C2CD4C: variants seen among roughly 807,000 people sequenced by gnomAD.
C2CD4C encodes the protein C2 calcium-dependent domain-containing protein 4C.
C2CD4C carries 3 observed loss-of-function variants against 4.1 expected under a neutral mutation model. The ratio of observed to expected loss-of-function variants is 0.73; its 90% CI spans 0.33 to 1.88. C2CD4C has a LOEUF of 1.88. Among genes scored for constraint, C2CD4C ranks in the 40% most tolerant of loss-of-function variants. The pLI is 0.08. For missense variants in C2CD4C, 664 were observed against 621.5 expected, an observed-to-expected ratio of 1.07 and a Z score of -0.73; for synonymous variants, 364 against 290.4, an observed-to-expected ratio of 1.25 and a Z score of -2.57.
At position 407,330 on chromosome 19, in the gene C2CD4C, G is replaced by A. The variant is rs1433955190; in HGVS notation, c.1032C>T (p.Cys344=). ...CCGGCACCAGGCACAGGCCCACGCA[G>A]CAGTTGATGCTGCGGGCGTCGCACA... The part of the protein sequence containing the change: ...DRLCDARSIN[C]CVGLCLVPGK... The change falls in exon 2 of 2, where the codon TGC becomes TGT. Residue 344 remains cysteine (C), a synonymous_variant. Transcript: ENST00000332235. 2.6e-6 allele frequency: 4 copies of A among 1,548,770 alleles called. No homozygotes were observed. Among genetic ancestry groups the A allele is most frequent in the Non-Finnish European group, 3.5e-6 (4 of 1,146,762 alleles).
In C2CD4C at chr19:408,078, T is replaced by C; in HGVS notation, c.284A>G (p.Lys95Arg). Residue 95 changes from lysine (K) to arginine (R), a missense_variant, in exon 2 of 2, where the codon AAG (lysine) becomes AGG (arginine). Transcript: ENST00000332235. ...CAGGCTCTTGCTCTCGGCTGCCAGC[T>C]TGGCAGGCAGCCGGGGGCTCCGTGG... ...QTPRSPRLPAKLAAESKSLLK... is the reference protein window; with the variant it reads ...QTPRSPRLPARLAAESKSLLK... 3 of 1,504,090 alleles carry C rather than the reference T, an allele frequency of 2.0e-6. No individual in the cohort carries two copies. The highest frequency in any genetic ancestry group is 2.7e-6 in the Non-Finnish European group (3 of 1,128,906). 93.2% of individuals were successfully genotyped at this position (1,504,090 alleles called of 1,614,324 possible). A position where few individuals can be genotyped will look rare whatever the true frequency, so the allele number is the denominator to read the frequency against.
In C2CD4C at chr19:406,924, A is replaced by G; in HGVS notation, c.*172T>C. ...ATAATACTCCAGTCAGCATCGGGTG[A>G]CCCAGGAAACCCTGCGTCAGCTACA... is the stretch of plus-strand genomic sequence containing the variant. On this transcript the variant is annotated 3_prime_UTR_variant, in exon 2 of 2. Transcript: ENST00000332235. 1 of 592,442 alleles carries G rather than the reference A, an allele frequency of 1.7e-6. No individual in the cohort carries two copies. The highest frequency in any genetic ancestry group is 2.2e-5 in the South Asian group (1 of 44,652). The allele number at this position is 592,442 out of a possible 1,614,324, so 36.7% of individuals were successfully genotyped here. A position where few individuals can be genotyped will look rare whatever the true frequency, so the allele number is the denominator to read the frequency against.
Position 405,541 on chromosome 19 carries a change from A to G in C2CD4C, c.*1555T>C, listed in dbSNP as rs34282976. 13,802 of 152,222 alleles carry G rather than the reference A, an allele frequency of 0.091. 930 individuals are homozygous for G. The highest frequency in any genetic ancestry group is 0.24 in the East Asian group (1,253 of 5,176). The allele number at this position is 152,222 out of a possible 1,614,324, so 9.4% of individuals were successfully genotyped here. On this transcript the variant is annotated 3_prime_UTR_variant, in exon 2 of 2. Transcript: ENST00000332235. ...TTACCCACAGTCAACCTCAGACACT[A>G]AGATATCAAAGAGTGCAGGGGGGCT...
At position 407,465 on chromosome 19, in the gene C2CD4C, G is replaced by A. The variant is rs1974009457; in HGVS notation, c.897C>T (p.His299=). ...TGCCCCGAGGGCCCACGTGGACCGT[G>A]TGCTCCCCACGCGCCTGGCCCGACT... The part of the protein sequence containing the change: ...GPESGQARGE[H]TVHVGPRGSV... Residue 299 remains histidine (H), a synonymous_variant, in exon 2 of 2, where the codon CAC becomes CAT. Transcript: ENST00000332235. 1 of 1,421,572 alleles carries A rather than the reference G, an allele frequency of 7.0e-7. No homozygotes were observed. The highest frequency in any genetic ancestry group is 1.5e-5 in the South Asian group (1 of 65,802). 88.1% of individuals were successfully genotyped at this position (1,421,572 alleles called of 1,614,324 possible).
Position 408,406 on chromosome 19 carries a change from G to A in C2CD4C, c.-40-5C>T, listed in dbSNP as rs1034869784. On this transcript the variant is annotated splice_polypyrimidine_tract_variant and splice_region_variant and intron_variant, in intron 1 of 1. Transcript: ENST00000332235. ...CCCGGACAGGGGCTGCAGCGTCTGGGAAGAGAAGCAGGGGTCAGGAGCAGT... is the reference window on the plus strand; with the variant it reads ...CCCGGACAGGGGCTGCAGCGTCTGGAAAGAGAAGCAGGGGTCAGGAGCAGT... 10 of 1,473,242 alleles carry A rather than the reference G, an allele frequency of 6.8e-6. No homozygotes were observed. Among genetic ancestry groups the A allele is most frequent in the Non-Finnish European group, 9.1e-6 (10 of 1,102,280 alleles). 91.3% of individuals were successfully genotyped at this position (1,473,242 alleles called of 1,614,324 possible). A position where few individuals can be genotyped will look rare whatever the true frequency, so the allele number is the denominator to read the frequency against.
In C2CD4C at chr19:407,741, G is replaced by C; in HGVS notation, c.621C>G (p.Pro207=). 1 of 1,522,476 alleles carries C rather than the reference G, an allele frequency of 6.6e-7. No individual in the cohort carries two copies. 94.3% of individuals were successfully genotyped at this position (1,522,476 alleles called of 1,614,324 possible). The change falls in exon 2 of 2, where the codon CCC becomes CCG. Residue 207 remains proline, a synonymous_variant. Transcript: ENST00000332235. ...PREAGGALMS[P]GRYFSGGESD... ...TCTCCCCGCCACTGAAGTAGCGGCC[G>C]GGGCTCATGAGGGCCCCGCCAGCCT... is the stretch of plus-strand genomic sequence containing the variant.
intron 1 of C2CD4C, 31 bp downstream of exon 1, chr19:408,975 C>G (rs571540809): frequency 6.6e-6 from 1 of 152,196 alleles, no homozygotes; most frequent in South Asian, 2.1e-4. Context: ...CCCGGCGGTC[C>G]CCGCAGACCG....
rs1191833262 is a variant in C2CD4C at position 407,088 on chromosome 19, T to TCC, written c.*6_*7dup. On this transcript the variant is annotated 3_prime_UTR_variant, in exon 2 of 2. Transcript: ENST00000332235. ...TGCACCCGAGCGGACAGCGAGCAGG[T>TCC]CCCCGCTCTACAGGAAGGGGAGCAG... 1.9e-6 allele frequency: 3 copies of TCC among 1,541,090 alleles called. No homozygotes were observed. Among genetic ancestry groups the TCC allele is most frequent in the Non-Finnish European group, 2.6e-6 (3 of 1,141,874 alleles).
rs954316013 is a variant in C2CD4C at position 406,079 on chromosome 19, A to C, written c.*1017T>G. Reference sequence around the variant, plus strand: ...ACCACACAATGGAAGCCTTGCAGCCACCTAACAGCAGGAAAGGCCATAGCC... The same window carrying C: ...ACCACACAATGGAAGCCTTGCAGCCCCCTAACAGCAGGAAAGGCCATAGCC... On this transcript the variant is annotated 3_prime_UTR_variant, in exon 2 of 2. Transcript: ENST00000332235. The C allele has an allele frequency of 6.6e-6, 1 of 152,230 alleles. No homozygotes were observed. The highest frequency in any genetic ancestry group is 2.4e-5 in the African/African-American group (1 of 41,430). 9.4% of individuals were successfully genotyped at this position (152,230 alleles called of 1,614,324 possible).
Position 406,991 on chromosome 19 carries a change from G to C in C2CD4C, c.*105C>G, listed in dbSNP as rs12984921. 0.69 allele frequency: 422,983 copies of C among 615,710 alleles called. 157,416 individuals are homozygous for C. Among genetic ancestry groups the C allele is most frequent in the African/African-American group, 0.89 (45,738 of 51,158 alleles). The allele number at this position is 615,710 out of a possible 1,614,324, so 38.1% of individuals were successfully genotyped here. ...CAGCCTGAGTGTGAGCCCCTCCCCG[G>C]CCAGCCCCAGCCCAAGCCAGCGGAC... On this transcript the variant is annotated 3_prime_UTR_variant, in exon 2 of 2. Transcript: ENST00000332235.
Position 407,230 on chromosome 19 carries a change from C to G in C2CD4C, c.1132G>C (p.Asp378His). 1.9e-6 allele frequency: 3 copies of G among 1,550,254 alleles called. No homozygotes were observed. Among genetic ancestry groups the G allele is most frequent in the African/African-American group, 1.4e-5 (1 of 73,168 alleles). The change falls in exon 2 of 2, where the codon GAC becomes CAC. Residue 378 changes from aspartate (D) to histidine (H), a missense_variant. Coordinates refer to ENST00000332235, the MANE Select transcript of C2CD4C (RefSeq NM_001136263.2). ...CGGACGCTGGCGGGCCCCAGGCCGT[C>G]GAAGAAGAAATCCTCGTTGAAGACG... ...RPVFNEDFFF[D>H]GLGPASVRKL...
At chr19:408,851 G>A (rs1036541962) in intron 1 of C2CD4C, among the ~76,000 whole-genome samples, 155 bp downstream of exon 1, 6 of 152,078 alleles carry the variant, frequency 3.9e-5, no homozygotes, top group Non-Finnish European at 7.4e-5. Context: ...CCAGGCGTTC[G>A]GGGTGGGGGA....
chr19:407,556 G>T lies in C2CD4C; in HGVS notation c.806C>A (p.Thr269Asn), dbSNP rs994282542. The T allele has an allele frequency of 1.4e-6, 2 of 1,408,590 alleles. No individual in the cohort carries two copies. Among genetic ancestry groups the T allele is most frequent in the Non-Finnish European group, 1.8e-6 (2 of 1,081,648 alleles). 87.3% of individuals were successfully genotyped at this position (1,408,590 alleles called of 1,614,324 possible). A position where few individuals can be genotyped will look rare whatever the true frequency, so the allele number is the denominator to read the frequency against. Residue 269 changes from threonine to asparagine, a missense_variant, in exon 2 of 2, where the codon ACC (threonine) becomes AAC (asparagine). Physicochemically the swap from Thr to Asn is moderately conservative, Grantham distance 65 (BLOSUM62 0). Coordinates refer to ENST00000332235, the MANE Select transcript of C2CD4C (RefSeq NM_001136263.2). ...RHGSLSADDS[T>N]PDASPGSRRR... ...CCGGCTCCCGGGGCTGGCGTCCGGG[G>T]TGCTGTCGTCCGCAGACAGGGAGCC... is the stretch of plus-strand genomic sequence containing the variant.
chr19:406,984 C>CAA lies in C2CD4C; in HGVS notation c.*111_*112insTT. The CAA allele has an allele frequency of 3.0e-6, 2 of 677,212 alleles. No homozygotes were observed. Among genetic ancestry groups the CAA allele is most frequent in the Non-Finnish European group, 4.6e-6 (2 of 431,924 alleles). 42.0% of individuals were successfully genotyped at this position (677,212 alleles called of 1,614,324 possible). A position where few individuals can be genotyped will look rare whatever the true frequency, so the allele number is the denominator to read the frequency against. On this transcript the variant is annotated 3_prime_UTR_variant, in exon 2 of 2. Coordinates refer to ENST00000332235, the MANE Select transcript of C2CD4C (RefSeq NM_001136263.2). ...CCCAGCCCAGCCTGAGTGTGAGCCC[C>CAA]TCCCCGGCCAGCCCCAGCCCAAGCC...
chr19:406,770 G>A lies in C2CD4C; in HGVS notation c.*326C>T, dbSNP rs929566607. The stretch of plus-strand genomic sequence containing the variant: ...TGAGAACCTCCTTCTAGAACTCTGC[G>A]TGAAAGGCGCGAGGCAGTGTGGAGG... On this transcript the variant is annotated 3_prime_UTR_variant, in exon 2 of 2. Coordinates refer to ENST00000332235, the MANE Select transcript of C2CD4C (RefSeq NM_001136263.2). The A allele has an allele frequency of 1.6e-4, 46 of 294,944 alleles. No individual in the cohort carries two copies. Among genetic ancestry groups the A allele is most frequent in the South Asian group, 1.0e-3 (17 of 16,264 alleles). The allele number at this position is 294,944 out of a possible 1,614,324, so 18.3% of individuals were successfully genotyped here.
intron 1 of C2CD4C, among the ~76,000 whole-genome samples, chr19:408,779 G>A (rs977943366): frequency 8.5e-5 from 13 of 152,144 alleles, no homozygotes; most frequent in Non-Finnish European, 1.3e-4. Flanking sequence ...TGGACCCCCG[G>A]GGTGTCCCAG....
Position 407,063 on chromosome 19 carries a change from T to C in C2CD4C, c.*33A>G, listed in dbSNP as rs1463242196. The C allele has an allele frequency of 7.0e-7, 1 of 1,432,972 alleles. No homozygotes were observed. The highest frequency in any genetic ancestry group is 9.3e-7 in the Non-Finnish European group (1 of 1,076,708). 88.8% of individuals were successfully genotyped at this position (1,432,972 alleles called of 1,614,324 possible). A position where few individuals can be genotyped will look rare whatever the true frequency, so the allele number is the denominator to read the frequency against. ...GGAGGAGAGACCGGGGTCTGCCCTC[T>C]GCACCCGAGCGGACAGCGAGCAGGT... On this transcript the variant is annotated 3_prime_UTR_variant, in exon 2 of 2. Transcript: ENST00000332235.
At position 406,786 on chromosome 19, in the gene C2CD4C, A is replaced by C; in HGVS notation, c.*310T>G. On this transcript the variant is annotated 3_prime_UTR_variant, in exon 2 of 2. Coordinates refer to ENST00000332235, the MANE Select transcript of C2CD4C (RefSeq NM_001136263.2). ...GAACTCTGCGTGAAAGGCGCGAGGC[A>C]GTGTGGAGGGGCAAAGGGGGACCCT... 1 of 356,970 alleles carries C rather than the reference A, an allele frequency of 2.8e-6. No individual in the cohort carries two copies. Among genetic ancestry groups the C allele is most frequent in the Non-Finnish European group, 5.1e-6 (1 of 195,510 alleles). The allele number at this position is 356,970 out of a possible 1,614,324, so 22.1% of individuals were successfully genotyped here. A position where few individuals can be genotyped will look rare whatever the true frequency, so the allele number is the denominator to read the frequency against.
In C2CD4C at chr19:407,843, C is replaced by G. The variant is rs1331570577; in HGVS notation, c.519G>C (p.Leu173=). ...ESLFHSEHGA[L]AQVGSPGAGR... is the part of the protein sequence containing the mutation. ...CGGCCCCTGGGGAGCCCACCTGGGC[C>G]AGAGCCCCGTGCTCACTGTGGAACA... Residue 173 remains leucine, a synonymous_variant, in exon 2 of 2, where the codon CTG becomes CTC. Coordinates refer to ENST00000332235, the MANE Select transcript of C2CD4C (RefSeq NM_001136263.2). 2.6e-6 allele frequency: 4 copies of G among 1,546,582 alleles called. No individual in the cohort carries two copies. The highest frequency in any genetic ancestry group is 1.4e-5 in the African/African-American group (1 of 72,566).
Sources: gnomAD v4.1 joint callset for allele counts (sites outside exome capture counted in the v4.1 genomes callset) on GRCh38, gnomAD v4.1.1 for gene constraint, MANE v1.5 for transcripts, NCBI Gene and HGNC (gene_info 2026-07-23, HGNC 2026-07-21) for gene names.